The following RBFOX1 variants were observed in gnomAD, a reference collection of about 807,000 sequenced individuals.
The protein encoded by RBFOX1 is RNA binding fox-1 homolog 1, also known as RNA binding protein fox-1 homolog 1.
Under a neutral mutation model 57.7 loss-of-function variants are expected in RBFOX1, and 8 were observed. The ratio of observed to expected loss-of-function variants is 0.14; its 90% CI spans 0.08 to 0.25. The LOEUF is 0.25. Among genes scored for constraint, RBFOX1 ranks in the 10% least tolerant of loss-of-function variants. RBFOX1 has a pLI of 1.00. For synonymous variants in RBFOX1, 326 were observed against 222.4 expected, an observed-to-expected ratio of 1.47 and a Z score of -4.15; for missense variants, 611 against 548.5, an observed-to-expected ratio of 1.11 and a Z score of -1.14.
rs571840061 is a variant in RBFOX1, at chr16:6,439,704, T to A, written c.-64+122647T>A. On this transcript the variant is annotated intron_variant, in intron 2 of 15. Transcript: ENST00000550418. The stretch of plus-strand genomic sequence containing the variant: ...CCACAAGCAGCTGTAGCCCACAATA[T>A]CTTCTAGAGGGGTAGACATATTATT... 2.0e-5 allele frequency among the ~76,000 whole-genome samples: 3 copies of A among 152,136 alleles called. No homozygotes were observed. The East Asian group carries it at 5.8e-4, about 29-fold the overall frequency.
chr16:5,376,927 C>T (rs1161564293), intron 1 of RBFOX1, among the ~76,000 whole-genome samples: 1 of 95,912 alleles, frequency 1.0e-5, no homozygotes, highest in African/African-American at 4.1e-5. Flanking sequence ...GCAGTCTCTT[C>T]ATAGCACACC....
At chr16:7,062,822 G>T (rs1246241845) in intron 4 of RBFOX1, among the ~76,000 whole-genome samples, 2 of 144,086 alleles carry the variant, frequency 1.4e-5, no homozygotes, top group East Asian at 4.2e-4. Flanking sequence ...CCTGATTCCT[G>T]CCTTTATGTT....
intron 4 of RBFOX1, among the ~76,000 whole-genome samples, chr16:7,195,704 C>T (rs1188585011): frequency 6.6e-6 from 1 of 152,078 alleles, no homozygotes; most frequent in Non-Finnish European, 1.5e-5. Context: ...AGGCCTGCAC[C>T]ACCACACTTG....
chr16:7,305,916 G>A (rs544641961), intron 4 of RBFOX1, among the ~76,000 whole-genome samples: 1 of 152,182 alleles, frequency 6.6e-6, no homozygotes, highest in Admixed American at 6.5e-5. Flanking sequence ...TGCCTTTGCT[G>A]TGGGTGTGTG....
At chr16:5,250,038 TGAG>T (rs1006663622) in intron 1 of RBFOX1, among the ~76,000 whole-genome samples, 2 of 149,498 alleles carry the variant, frequency 1.3e-5, no homozygotes, top group African/African-American at 4.9e-5. Context: ...GAGGTTGCAG[TGAG>T]GAGGAGGTTG....
intron 3 of RBFOX1, among the ~76,000 whole-genome samples, chr16:6,952,249 T>G (rs995935296): frequency 6.6e-6 from 1 of 152,182 alleles, no homozygotes; most frequent in Non-Finnish European, 1.5e-5. Flanking sequence ...CTGCTACGTT[T>G]CTGTAGATTT....
chr16:7,707,850 C>G (rs977528828), intron 14 of RBFOX1, among the ~76,000 whole-genome samples: 4 of 152,316 alleles, frequency 2.6e-5, no homozygotes, highest in Non-Finnish European at 5.9e-5. Flanking sequence ...ACTTGCCCCT[C>G]TCTTCCTCTT....
intron 11 of RBFOX1, among the ~76,000 whole-genome samples, chr16:7,641,101 C>A (rs372747511): frequency 6.6e-6 from 1 of 152,098 alleles, no homozygotes; most frequent in South Asian, 2.1e-4. Context: ...TGGGAAGGAA[C>A]AGCTTAGGAA....
At chr16:5,762,358 A>G (rs1353302180) in intron 3 of RBFOX1, among the ~76,000 whole-genome samples, 1 of 204 alleles carries the variant, frequency 4.9e-3, no homozygotes, top group Non-Finnish European at 6.8e-3. Flanking sequence ...AACAAAAAGA[A>G]AAAAAAAAAA....
At chr16:7,629,410 G>A (rs944064861) in intron 10 of RBFOX1, among the ~76,000 whole-genome samples, 8 of 152,138 alleles carry the variant, frequency 5.3e-5, no homozygotes, top group Non-Finnish European at 1.0e-4. Context: ...CCTGTTCTGC[G>A]GGTGCACTTG....
intron 3 of RBFOX1, among the ~76,000 whole-genome samples, chr16:5,859,301 T>A (rs2057151125): frequency 6.6e-6 from 1 of 152,222 alleles, no homozygotes; most frequent in African/African-American, 2.4e-5. Context: ...ATGTTAGGAC[T>A]TCTGCTACTG....
chr16:6,189,907 G>GA (rs1270545262), intron 1 of RBFOX1, among the ~76,000 whole-genome samples: 26 of 152,292 alleles, frequency 1.7e-4, no homozygotes, highest in African/African-American at 7.2e-5. Flanking sequence ...GCCTGTGCTT[G>GA]AGGGGTATTG....
chr16:5,403,810 A>G (rs551585497), intron 1 of RBFOX1, among the ~76,000 whole-genome samples: 1 of 152,260 alleles, frequency 6.6e-6, no homozygotes, highest in Non-Finnish European at 1.5e-5. Flanking sequence ...CTATTCAGTG[A>G]TTTCCTGCCT....
At chr16:5,708,143 A>C (rs1596870683) in intron 3 of RBFOX1, among the ~76,000 whole-genome samples, 1 of 152,198 alleles carries the variant, frequency 6.6e-6, no homozygotes, top group East Asian at 1.9e-4. Context: ...CGAAGTAGTC[A>C]GACTGGAACT....
intron 4 of RBFOX1, among the ~76,000 whole-genome samples, chr16:7,315,451 A>T (rs965867589): frequency 4.1e-5 from 5 of 122,226 alleles, no homozygotes; most frequent in African/African-American, 1.5e-4. Context: ...GCCCTACTCT[A>T]CCCTACCCCC....
intron 2 of RBFOX1, among the ~76,000 whole-genome samples, chr16:6,396,650 A>T (rs887944852): frequency 1.4e-4 from 22 of 152,204 alleles, no homozygotes; most frequent in African/African-American, 5.1e-4. Flanking sequence ...GCTATAACAA[A>T]AATCAGCACT....
chr16:7,185,909 T>G (rs921013602), intron 4 of RBFOX1, among the ~76,000 whole-genome samples: 20 of 152,318 alleles, frequency 1.3e-4, no homozygotes, highest in Middle Eastern at 3.4e-3. Flanking sequence ...AATGATACAA[T>G]TCCCACTGGT....
At chr16:6,770,871 G>A (rs1036018933) in intron 3 of RBFOX1, among the ~76,000 whole-genome samples, 14 of 152,172 alleles carry the variant, frequency 9.2e-5, no homozygotes, top group African/African-American at 2.9e-4. Flanking sequence ...CATGGATAAT[G>A]CAACACAGTT....
At chr16:6,141,448 C>G (rs544075994) in intron 1 of RBFOX1, among the ~76,000 whole-genome samples, 4 of 152,250 alleles carry the variant, frequency 2.6e-5, no homozygotes, top group Non-Finnish European at 5.9e-5. Context: ...GGACCACACT[C>G]AAAACCAAAC....
Sources: gnomAD v4.1 joint callset for allele counts (sites outside exome capture counted in the v4.1 genomes callset) on GRCh38, gnomAD v4.1.1 for gene constraint, MANE v1.5 for transcripts, NCBI Gene and HGNC (gene_info 2026-07-23, HGNC 2026-07-21) for gene names.